KLHL1: variants seen among roughly 807,000 people sequenced by gnomAD.
The protein encoded by KLHL1 is kelch-like protein 1.
KLHL1 carries 47 observed loss-of-function variants against 77.7 expected under a neutral mutation model. That is an observed-to-expected ratio of 0.60 (90% CI 0.48 to 0.77). The LOEUF (loss-of-function observed/expected upper bound fraction) is 0.77, where lower values mean the gene tolerates loss of function less well. KLHL1 is among the 30% of genes least tolerant of loss of function. KLHL1 has a pLI of 0.00. For synonymous variants in KLHL1, 360 were observed against 325.2 expected, an observed-to-expected ratio of 1.11 and a Z score of -1.15; for missense variants, 925 against 910.8, an observed-to-expected ratio of 1.02 and a Z score of -0.20.
chr13:70,099,633 G>C (rs1259176391), intron 1 of KLHL1, among the ~76,000 whole-genome samples: 3 of 151,864 alleles, frequency 2.0e-5, no homozygotes, highest in African/African-American at 7.2e-5. Context: ...AAATACAATA[G>C]ATAAGTTTAT....
chr13:69,885,148 G>A (rs1881165989), intron 4 of KLHL1, among the ~76,000 whole-genome samples: 1 of 147,290 alleles, frequency 6.8e-6, no homozygotes, highest in South Asian at 2.1e-4. Context: ...CACCGTGTTA[G>A]CCAGGATGGT....
chr13:69,814,709 C>T (rs936900907), intron 6 of KLHL1, among the ~76,000 whole-genome samples: 13 of 151,992 alleles, frequency 8.6e-5, no homozygotes, highest in African/African-American at 2.9e-4. Context: ...GTCAGAATGG[C>T]TATTATTAAA....
intron 5 of KLHL1, among the ~76,000 whole-genome samples, chr13:69,839,474 T>C (rs1291121429): frequency 2.0e-5 from 3 of 151,998 alleles, no homozygotes; most frequent in Non-Finnish European, 2.9e-5. Context: ...CAAGTATAGT[T>C]ACTTGTGTTG....
chr13:69,799,169 C>G (rs1176629495), intron 6 of KLHL1, among the ~76,000 whole-genome samples: 1 of 151,876 alleles, frequency 6.6e-6, no homozygotes, highest in Admixed American at 6.6e-5. Context: ...AGAAAGTAAT[C>G]TAATCCTAAT....
intron 3 of KLHL1, among the ~76,000 whole-genome samples, chr13:69,955,603 T>C (rs574054558): frequency 2.2e-4 from 34 of 151,316 alleles, no homozygotes; most frequent in African/African-American, 8.2e-4. Flanking sequence ...ATGAACACAG[T>C]GTATTTTCAA....
chr13:69,789,530 A>G (rs902557170), intron 7 of KLHL1, among the ~76,000 whole-genome samples: 1 of 152,172 alleles, frequency 6.6e-6, no homozygotes, highest in African/African-American at 2.4e-5. Context: ...AATGACATAA[A>G]CAGTATAAAT....
chr13:69,984,064 A>G (rs555936774), intron 1 of KLHL1, among the ~76,000 whole-genome samples: 4 of 152,254 alleles, frequency 2.6e-5, no homozygotes, highest in Admixed American at 2.6e-4. Context: ...AGAGGTAAAC[A>G]TAGGGAAAAT....
At position 70,108,057 on chromosome 13, in the gene KLHL1, G is replaced by T. The variant is rs1357440514; in HGVS notation, c.-358C>A. 7.1e-6 allele frequency: 3 copies of T among 424,732 alleles called. No individual in the cohort carries two copies. Among genetic ancestry groups the T allele is most frequent in the African/African-American group, 2.0e-5 (1 of 49,050 alleles). 26.3% of individuals were successfully genotyped at this position (424,732 alleles called of 1,614,324 possible). A position where few individuals can be genotyped will look rare whatever the true frequency, so the allele number is the denominator to read the frequency against. The stretch of plus-strand genomic sequence containing the variant: ...TTAGGCTGGAGATGCGCGAGGGAGG[G>T]AGGTCTGAGCGCTCCGAAGCTCCGG... On this transcript the variant is annotated 5_prime_UTR_variant, in exon 1 of 11. Coordinates refer to ENST00000377844, the MANE Select transcript of KLHL1 (RefSeq NM_020866.3).
At chr13:69,997,208 G>T (rs1211492245) in intron 1 of KLHL1, among the ~76,000 whole-genome samples, 1 of 151,428 alleles carries the variant, frequency 6.6e-6, no homozygotes, top group Non-Finnish European at 1.5e-5. Context: ...GCTACAGAGT[G>T]AGACTCTGTC....
chr13:69,868,328 T>C (rs994443667), intron 5 of KLHL1, among the ~76,000 whole-genome samples: 1 of 152,086 alleles, frequency 6.6e-6, no homozygotes, highest in Non-Finnish European at 1.5e-5. Flanking sequence ...TAATCTGTAG[T>C]TTAAAATATA....
chr13:69,988,648 G>A (rs1884940577), intron 1 of KLHL1, among the ~76,000 whole-genome samples: 1 of 151,956 alleles, frequency 6.6e-6, no homozygotes, highest in African/African-American at 2.4e-5. Context: ...TTTAATAATA[G>A]CCATTCTGAC....
chr13:69,948,019 C>T (rs1414033861), intron 3 of KLHL1, among the ~76,000 whole-genome samples: 3 of 152,006 alleles, frequency 2.0e-5, no homozygotes, highest in African/African-American at 7.2e-5. Flanking sequence ...CTTAAAAATA[C>T]ATGATAGCCA....
At chr13:70,010,917 A>G in intron 1 of KLHL1, among the ~76,000 whole-genome samples, 1 of 151,016 alleles carries the variant, frequency 6.6e-6, no homozygotes, top group East Asian at 1.9e-4. Flanking sequence ...ATAATAATAA[A>G]ATAAAATAAA....
At chr13:70,049,605 T>G (rs959629391) in intron 1 of KLHL1, among the ~76,000 whole-genome samples, 1 of 152,178 alleles carries the variant, frequency 6.6e-6, no homozygotes, top group Non-Finnish European at 1.5e-5. Flanking sequence ...CCTATAAACT[T>G]ATAATAGTTT....
At chr13:70,074,167 C>T (rs141356515) in intron 1 of KLHL1, among the ~76,000 whole-genome samples, 1,755 of 152,158 alleles carry the variant, frequency 0.012, 29 homozygotes, top group Non-Finnish European at 0.015. Context: ...TTTTGATATT[C>T]AGCATGATTT....
In KLHL1 at chr13:70,052,726, CCTT is replaced by C. The variant is rs1311146568; in HGVS notation, c.497+54474_497+54476del. 7.2e-5 allele frequency among the ~76,000 whole-genome samples: 11 copies of C among 151,982 alleles called. No individual in the cohort carries two copies. The East Asian group carries it at 2.1e-3, about 29-fold the overall frequency. On this transcript the variant is annotated intron_variant, in intron 1 of 10. Transcript: ENST00000377844. ...TTTTGTTCCCTCTAAAACAGGCTCT[CCTT>C]CTCTCTCTCTCACATGCACATACAT...
intron 1 of KLHL1, among the ~76,000 whole-genome samples, chr13:70,022,467 A>AT (rs1277495307): frequency 6.6e-6 from 1 of 151,920 alleles, no homozygotes; most frequent in African/African-American, 2.4e-5. Flanking sequence ...CATGGTCTTC[A>AT]TTGTACTCTA....
intron 1 of KLHL1, among the ~76,000 whole-genome samples, chr13:70,036,698 C>A (rs1261112614): frequency 6.6e-6 from 1 of 151,638 alleles, no homozygotes; most frequent in Non-Finnish European, 1.5e-5. Flanking sequence ...TAGGATATTC[C>A]CTTATTTAAA....
intron 5 of KLHL1, among the ~76,000 whole-genome samples, chr13:69,841,809 C>A (rs975636166): frequency 2.6e-5 from 4 of 151,302 alleles, no homozygotes; most frequent in Non-Finnish European, 4.4e-5. Flanking sequence ...CTGACTTAAC[C>A]CAAGCAGCAC....
Sources: allele counts gnomAD v4.1 joint callset (sites outside exome capture counted in the v4.1 genomes callset), GRCh38; gene constraint gnomAD v4.1.1; transcripts MANE v1.5; gene names NCBI Gene and HGNC (gene_info 2026-07-23, HGNC 2026-07-21).